The following RAB3IP variants were observed in gnomAD, a reference collection of about 807,000 sequenced individuals.
The protein encoded by RAB3IP is rab-3A-interacting protein.
Under a neutral mutation model 59.1 loss-of-function variants are expected in RAB3IP, and 36 were observed. The observed-to-expected ratio is 0.61, with a 90% CI of 0.47 to 0.80. RAB3IP has a LOEUF of 0.80. Ranked by LOEUF, RAB3IP falls within the 30% of genes least tolerant of loss-of-function variation. The pLI, the probability that RAB3IP is intolerant of heterozygous loss-of-function variation, is 0.00. For missense variants in RAB3IP, 511 were observed against 536.0 expected, an observed-to-expected ratio of 0.95 and a Z score of 0.46; for synonymous variants, 207 against 191.2, an observed-to-expected ratio of 1.08 and a Z score of -0.68.
chr12:69,744,925 T>C (rs919524347), intron 1 of RAB3IP, among the ~76,000 whole-genome samples: 9 of 152,158 alleles, frequency 5.9e-5, no homozygotes, highest in Non-Finnish European at 1.3e-4. Context: ...TTATGAAAGC[T>C]AATGAAAAAA....
rs1037390789 is a variant in RAB3IP at position 69,785,704 on chromosome 12, A to G, written c.606+889A>G. On this transcript the variant is annotated intron_variant, in intron 4 of 10. Coordinates refer to ENST00000247833, the MANE Select transcript of RAB3IP (RefSeq NM_022456.5). ...GCAGTCTACTTTACTCAGTCTACCA[A>G]TGTAAATGTTATTCTTATCCAGAAA... Among the ~76,000 whole-genome samples, 70 of 152,240 alleles carry G rather than the reference A, an allele frequency of 4.6e-4. 1 individual carries two copies. Among genetic ancestry groups the G allele is most frequent in the Non-Finnish European group, 1.5e-5 (1 of 68,044 alleles).
intron 3 of RAB3IP, among the ~76,000 whole-genome samples, chr12:69,772,071 A>G (rs1046785791): frequency 1.1e-4 from 16 of 152,134 alleles, no homozygotes; most frequent in African/African-American, 2.4e-4. Context: ...ATGACAGTCT[A>G]TCCTTTTATG....
At chr12:69,789,100 C>T (rs531387910) in intron 4 of RAB3IP, among the ~76,000 whole-genome samples, 4 of 152,004 alleles carry the variant, frequency 2.6e-5, no homozygotes, top group African/African-American at 9.6e-5. Context: ...CTCAACCTAA[C>T]TTTATACCTC....
chr12:69,797,679 C>G (rs1302542461), intron 6 of RAB3IP, among the ~76,000 whole-genome samples: 1 of 151,714 alleles, frequency 6.6e-6, no homozygotes, highest in African/African-American at 2.4e-5. Context: ...CCCCATCCCC[C>G]CACCCCACAA....
chr12:69,804,180 T>G (rs1878860590), intron 8 of RAB3IP, among the ~76,000 whole-genome samples: 1 of 152,248 alleles, frequency 6.6e-6, no homozygotes. Context: ...GACTGTTTAA[T>G]GATCGCCATT....
intron 3 of RAB3IP, among the ~76,000 whole-genome samples, chr12:69,780,046 C>T (rs966089809): frequency 1.3e-5 from 2 of 152,176 alleles, no homozygotes; most frequent in African/African-American, 2.4e-5. Flanking sequence ...GCCATTTCAG[C>T]GGTAGAGGGC....
intron 4 of RAB3IP, among the ~76,000 whole-genome samples, chr12:69,793,951 C>T (rs186907940): frequency 1.3e-5 from 2 of 152,274 alleles, no homozygotes; most frequent in African/African-American, 4.8e-5. Context: ...ACAAAATTGT[C>T]ACATAATAAA....
rs1881164209 is a variant in RAB3IP, at chr12:69,816,597, ATAT to A, written c.*1155_*1157del. 6.6e-6 allele frequency: 1 copy of A among 152,160 alleles called. No individual in the cohort carries two copies. Among genetic ancestry groups the A allele is most frequent in the South Asian group, 2.1e-4 (1 of 4,836 alleles). The allele number at this position is 152,160 out of a possible 1,614,324, so 9.4% of individuals were successfully genotyped here. ...TGAGGTGGTTTTCAGTTTATTTTTC[ATAT>A]TATAATGCTGTGACGAGTATCCTTA... On this transcript the variant is annotated 3_prime_UTR_variant, in exon 11 of 11. Coordinates refer to ENST00000247833, the MANE Select transcript of RAB3IP (RefSeq NM_022456.5).
chr12:69,805,071 A>G (rs1879032774), intron 8 of RAB3IP, among the ~76,000 whole-genome samples: 1 of 152,212 alleles, frequency 6.6e-6, no homozygotes, highest in Non-Finnish European at 1.5e-5. Flanking sequence ...CATTGAATCT[A>G]TAAATTACCT....
chr12:69,802,259 T>G (rs932556335), intron 8 of RAB3IP, among the ~76,000 whole-genome samples: 1 of 151,972 alleles, frequency 6.6e-6, no homozygotes, highest in Non-Finnish European at 1.5e-5. Flanking sequence ...TTAGACTAAG[T>G]CTTATCGATC....
intron 6 of RAB3IP, among the ~76,000 whole-genome samples, chr12:69,799,176 A>G (rs1048453051): frequency 6.6e-6 from 1 of 152,204 alleles, no homozygotes; most frequent in African/African-American, 2.4e-5. Context: ...GTCTGTAGGA[A>G]GGCTTGGCTA....
In RAB3IP at chr12:69,818,044, T is replaced by C. The variant is rs1354780866; in HGVS notation, c.*2598T>C. 2 of 80,342 alleles carry C rather than the reference T, an allele frequency of 2.5e-5. No individual in the cohort carries two copies. The highest frequency in any genetic ancestry group is 6.9e-5 in the Non-Finnish European group (2 of 28,956). The allele number at this position is 80,342 out of a possible 1,614,324, so 5.0% of individuals were successfully genotyped here. ...AATGACATGTTCAAATTCATTCGAT[T>C]GGTGAAAATGAAGAAACACAAAGTC... On this transcript the variant is annotated 3_prime_UTR_variant, in exon 11 of 11. Transcript: ENST00000247833.
At chr12:69,743,264 G>A (rs146474180) in intron 1 of RAB3IP, among the ~76,000 whole-genome samples, 2 of 152,024 alleles carry the variant, frequency 1.3e-5, no homozygotes, top group Non-Finnish European at 2.9e-5. Flanking sequence ...GTCAGATAAG[G>A]ATAAAGTATA....
At chr12:69,797,792 C>G (rs1430620814) in intron 6 of RAB3IP, among the ~76,000 whole-genome samples, 2 of 151,368 alleles carry the variant, frequency 1.3e-5, no homozygotes, top group African/African-American at 4.9e-5. Context: ...TTTGTTCTTG[C>G]GATAGTTTAC....
chr12:69,807,940 C>T (rs557979540), intron 8 of RAB3IP, among the ~76,000 whole-genome samples: 50 of 151,774 alleles, frequency 3.3e-4, no homozygotes, highest in Middle Eastern at 3.4e-3. Context: ...ACCTCCCAGA[C>T]GGGTTGGCCA....
chr12:69,772,136 C>T (rs1477688577), intron 3 of RAB3IP, among the ~76,000 whole-genome samples: 1 of 151,942 alleles, frequency 6.6e-6, no homozygotes, highest in East Asian at 1.9e-4. Context: ...TTATTATATC[C>T]TCTTTATTGG....
In RAB3IP at chr12:69,795,160, A is replaced by G; in HGVS notation, c.704A>G (p.Glu235Gly). ...TCCAAGATTGATGTACTTCAAGCTG[A>G]AGTAGCTGCATTGAAGACACTTGTA... is the stretch of plus-strand genomic sequence containing the variant. ...AQGKIDVLQA[E>G]VAALKTLVLS... The change falls in exon 6 of 11, where the codon GAA becomes GGA. Residue 235 changes from glutamate to glycine, a missense_variant. Coordinates refer to ENST00000247833, the MANE Select transcript of RAB3IP (RefSeq NM_022456.5). 1.2e-6 allele frequency: 2 copies of G among 1,613,726 alleles called. No individual in the cohort carries two copies. The highest frequency in any genetic ancestry group is 1.7e-6 in the Non-Finnish European group (2 of 1,179,674).
intron 2 of RAB3IP, 104 bp from the exon 3 acceptor site, chr12:69,756,301 A>G: frequency 8.5e-7 from 1 of 1,173,334 alleles, no homozygotes. Flanking sequence ...ATTTAAATAT[A>G]GAAGCTACCA....
chr12:69,814,086 T>C (rs1299338393), intron 10 of RAB3IP, among the ~76,000 whole-genome samples: 9 of 152,154 alleles, frequency 5.9e-5, no homozygotes, highest in Non-Finnish European at 1.3e-4. Flanking sequence ...TGTGTAATAC[T>C]TTTTTTGACT....
Sources: allele counts gnomAD v4.1 joint callset (sites outside exome capture counted in the v4.1 genomes callset), GRCh38; gene constraint gnomAD v4.1.1; transcripts MANE v1.5; gene names NCBI Gene and HGNC (gene_info 2026-07-23, HGNC 2026-07-21).